The following RALYL variants were observed in gnomAD, a reference collection of about 807,000 sequenced individuals.
RALYL encodes RNA-binding Raly-like protein.
A neutral mutation model predicts 35.1 loss-of-function variants in RALYL; 29 were observed. The ratio of observed to expected loss-of-function variants is 0.83; its 90% CI spans 0.61 to 1.13. The LOEUF is 1.13. Ranked by LOEUF, RALYL falls within the 50% of genes most tolerant of loss-of-function variation. RALYL has a pLI of 0.00. For synonymous variants in RALYL, 120 were observed against 127.6 expected (o/e 0.94, Z 0.40); for missense variants, 359 against 360.4 (o/e 1.00, Z 0.03).
chr8:84,310,461 C>G (rs1842558345), intron 1 of RALYL, among the ~76,000 whole-genome samples: 1 of 148,756 alleles, frequency 6.7e-6, no homozygotes, highest in Admixed American at 6.7e-5. Flanking sequence ...GATGAAAAAG[C>G]AAAAAGAAAA....
intron 2 of RALYL, among the ~76,000 whole-genome samples, chr8:84,547,211 CT>C (rs1328175555): frequency 1.3e-5 from 2 of 151,954 alleles, no homozygotes; most frequent in African/African-American, 4.8e-5. Context: ...TTTTTTCCAT[CT>C]TTTTAAGTGG....
chr8:84,203,288 T>A (rs1202088499), intron 1 of RALYL, among the ~76,000 whole-genome samples: 1 of 151,870 alleles, frequency 6.6e-6, no homozygotes, highest in Non-Finnish European at 1.5e-5. Context: ...TTTCTTTTTT[T>A]TTTTTCTTCT....
chr8:84,386,034 TAAGCATTCACTTGGG>T (rs1859123179), intron 1 of RALYL, among the ~76,000 whole-genome samples: 2 of 151,878 alleles, frequency 1.3e-5, no homozygotes, highest in African/African-American at 4.8e-5. Context: ...CAAAGCAGTG[TAAGCATTCACTTGGG>T]AAAGAGAGGC....
At chr8:84,836,876 A>C (rs1475717166) in intron 4 of RALYL, among the ~76,000 whole-genome samples, 2 of 152,204 alleles carry the variant, frequency 1.3e-5, no homozygotes, top group Admixed American at 1.3e-4. Flanking sequence ...TTCTAGAACT[A>C]ACCATGGGTA....
intron 7 of RALYL, among the ~76,000 whole-genome samples, chr8:84,877,649 C>G (rs1014196682): frequency 6.6e-6 from 1 of 152,114 alleles, no homozygotes; most frequent in Non-Finnish European, 1.5e-5. Context: ...ATCACAGCAT[C>G]GTAGAGGCCT....
intron 2 of RALYL, among the ~76,000 whole-genome samples, chr8:84,721,963 G>A (rs1278464158): frequency 2.0e-5 from 3 of 151,928 alleles, no homozygotes; most frequent in Non-Finnish European, 4.4e-5. Context: ...CCTCATTTCC[G>A]AAGCATTTAA....
chr8:84,450,966 T>G (rs980803118), intron 1 of RALYL, among the ~76,000 whole-genome samples: 4 of 152,026 alleles, frequency 2.6e-5, no homozygotes, highest in East Asian at 3.9e-4. Flanking sequence ...TTCCCAATGC[T>G]CAGGAGCTGC....
intron 1 of RALYL, among the ~76,000 whole-genome samples, chr8:84,407,233 G>A (rs1241047273): frequency 2.0e-5 from 3 of 152,224 alleles, no homozygotes; most frequent in Middle Eastern, 3.4e-3. Flanking sequence ...ACGCAAAAGA[G>A]TGCCTGGCAA....
intron 1 of RALYL, among the ~76,000 whole-genome samples, chr8:84,213,243 T>C (rs1381727084): frequency 6.6e-6 from 1 of 151,782 alleles, no homozygotes; most frequent in Non-Finnish European, 1.5e-5. Context: ...GTACAAAAAT[T>C]AGCTAGGCAT....
Position 84,736,112 on chromosome 8 carries a change from G to A in RALYL, c.257-38467G>A, listed in dbSNP as rs147415920. On this transcript the variant is annotated intron_variant, in intron 2 of 8. Transcript: ENST00000521268. ...GACCAGTTAATTTTAAATTCATAAC[G>A]AACAAAGAATTAGAATAATAAGAAA... Among the ~76,000 whole-genome samples, 430 of 152,134 alleles carry A rather than the reference G, an allele frequency of 2.8e-3. 2 individuals carry two copies. Among genetic ancestry groups the A allele is most frequent in the African/African-American group, 9.6e-3 (398 of 41,532 alleles).
chr8:84,415,454 G>A (rs1482271528), intron 1 of RALYL, among the ~76,000 whole-genome samples: 1 of 151,998 alleles, frequency 6.6e-6, no homozygotes, highest in Non-Finnish European at 1.5e-5. Context: ...TGGCCATGCT[G>A]GTCTGGAACT....
At chr8:84,245,317 C>T (rs1450981793) in intron 1 of RALYL, among the ~76,000 whole-genome samples, 1 of 152,130 alleles carries the variant, frequency 6.6e-6, no homozygotes, top group Non-Finnish European at 1.5e-5. Flanking sequence ...AGAAGTTTCT[C>T]CTCATAAAAT....
At chr8:84,833,530 C>T (rs777237392) in intron 4 of RALYL, among the ~76,000 whole-genome samples, 130 of 150,644 alleles carry the variant, frequency 8.6e-4, no homozygotes, top group Non-Finnish European at 1.5e-3. Context: ...CCCAGCTACT[C>T]GGGAGGCTGA....
intron 6 of RALYL, among the ~76,000 whole-genome samples, chr8:84,868,533 A>T (rs939827605): frequency 6.6e-6 from 1 of 152,170 alleles, no homozygotes; most frequent in African/African-American, 2.4e-5. Context: ...AACTTCTCTA[A>T]TATTCACTAT....
rs573557938 is a variant in RALYL at position 84,742,324 on chromosome 8, T to TA, written c.257-32255_257-32254insA. Among the ~76,000 whole-genome samples, 43 of 152,158 alleles carry TA rather than the reference T, an allele frequency of 2.8e-4. 2 individuals carry two copies. In the East Asian group the frequency reaches 6.2e-3, roughly 22 times the overall value. ...AAAATATGTGAGACCTTCAAAACTA[T>TA]GGTTAAATTTGTTTTTACCTATAAA... On this transcript the variant is annotated intron_variant, in intron 2 of 8. Coordinates refer to ENST00000521268, the MANE Select transcript of RALYL (RefSeq NM_173848.7).
At chr8:84,487,728 A>C (rs566537370) in intron 1 of RALYL, among the ~76,000 whole-genome samples, 64 of 152,246 alleles carry the variant, frequency 4.2e-4, no homozygotes, top group Middle Eastern at 3.4e-3. Flanking sequence ...AATTTAAACT[A>C]TCTGTCCTCT....
chr8:84,359,808 T>A (rs755740796), intron 1 of RALYL, among the ~76,000 whole-genome samples: 169 of 152,002 alleles, frequency 1.1e-3, no homozygotes, highest in Admixed American at 2.4e-3. Flanking sequence ...CCTGTGTTAT[T>A]CAATAGCCAC....
intron 1 of RALYL, among the ~76,000 whole-genome samples, chr8:84,255,712 A>G (rs570882183): frequency 1.3e-5 from 2 of 152,110 alleles, no homozygotes; most frequent in Non-Finnish European, 2.9e-5. Context: ...ATTTGTGCAA[A>G]AATAAATTAC....
At chr8:84,520,331 T>G (rs1019839983) in intron 1 of RALYL, among the ~76,000 whole-genome samples, 4 of 152,184 alleles carry the variant, frequency 2.6e-5, no homozygotes, top group Non-Finnish European at 5.9e-5. Context: ...TTATATCAGT[T>G]TGGTCACATT....
Sources: gnomAD v4.1 joint callset for allele counts (sites outside exome capture counted in the v4.1 genomes callset) on GRCh38, gnomAD v4.1.1 for gene constraint, MANE v1.5 for transcripts, NCBI Gene and HGNC (gene_info 2026-07-23, HGNC 2026-07-21) for gene names.